ERBB4: variants seen among roughly 807,000 people sequenced by gnomAD.
The protein encoded by ERBB4 is receptor tyrosine-protein kinase erbB-4.
ERBB4 carries 42 observed loss-of-function variants against 158.0 expected under a neutral mutation model. The ratio of observed to expected loss-of-function variants is 0.27; its 90% confidence interval spans 0.21 to 0.34. The LOEUF (loss-of-function observed/expected upper bound fraction) is 0.34, where lower values mean the gene tolerates loss of function less well. Among genes scored for constraint, ERBB4 ranks in the 10% least tolerant of loss-of-function variants. The pLI is 1.00. For missense variants in ERBB4, 1,333 were observed against 1,624.1 expected (o/e 0.82, Z 3.08); for synonymous variants, 583 against 558.7 (o/e 1.04, Z -0.61).
chr2:211,640,948 A>C (rs1422434855), intron 16 of ERBB4, among the ~76,000 whole-genome samples: 1 of 152,180 alleles, frequency 6.6e-6, no homozygotes, highest in Non-Finnish European at 1.5e-5. Flanking sequence ...ACGTGCAGAA[A>C]TCAGCAGACA....
intron 1 of ERBB4, among the ~76,000 whole-genome samples, chr2:212,481,079 A>G (rs926632158): frequency 3.9e-5 from 6 of 152,172 alleles, no homozygotes; most frequent in African/African-American, 1.4e-4. Context: ...CAACACATAT[A>G]TACATATAAA....
chr2:211,627,364 A>C (rs1182593544), intron 17 of ERBB4, among the ~76,000 whole-genome samples: 1 of 152,254 alleles, frequency 6.6e-6, no homozygotes, highest in African/African-American at 2.4e-5. Flanking sequence ...CTTCCAGCTA[A>C]AGTAGGAATC....
chr2:211,834,898 T>C (rs1005928757), intron 3 of ERBB4, among the ~76,000 whole-genome samples: 3 of 152,096 alleles, frequency 2.0e-5, no homozygotes, highest in African/African-American at 7.2e-5. Context: ...GGGGACCAAA[T>C]TTCAAATGGT....
intron 14 of ERBB4, among the ~76,000 whole-genome samples, chr2:211,666,190 C>A (rs1045125456): frequency 6.6e-6 from 1 of 152,020 alleles, no homozygotes; most frequent in African/African-American, 2.4e-5. Context: ...CATATTATGT[C>A]TATTTATAGG....
At chr2:211,717,800 C>T (rs904599322) in intron 7 of ERBB4, among the ~76,000 whole-genome samples, 1 of 152,140 alleles carries the variant, frequency 6.6e-6, no homozygotes, top group East Asian at 1.9e-4. Flanking sequence ...GCTCTCCAGC[C>T]TGGGTGACAG....
At chr2:212,309,001 T>C (rs1315353657) in intron 1 of ERBB4, among the ~76,000 whole-genome samples, 2 of 150,926 alleles carry the variant, frequency 1.3e-5, no homozygotes, top group Middle Eastern at 3.4e-3. Flanking sequence ...ATTTAAAGTG[T>C]ATAAAATTGC....
intron 1 of ERBB4, among the ~76,000 whole-genome samples, chr2:212,152,048 G>C (rs2080889960): frequency 6.6e-6 from 1 of 152,016 alleles, no homozygotes; most frequent in African/African-American, 2.4e-5. Flanking sequence ...TGTAGCATAA[G>C]TTTTACTTCA....
intron 2 of ERBB4, among the ~76,000 whole-genome samples, chr2:212,112,869 T>A (rs1416629083): frequency 6.6e-6 from 1 of 152,178 alleles, no homozygotes. Flanking sequence ...AATTCCAGTA[T>A]AACAAAATTC....
chr2:212,455,388 C>A (rs1688235203), intron 1 of ERBB4, among the ~76,000 whole-genome samples: 1 of 152,176 alleles, frequency 6.6e-6, no homozygotes, highest in Non-Finnish European at 1.5e-5. Context: ...TCAGTAGCAG[C>A]CTCTAGCCCT....
intron 20 of ERBB4, among the ~76,000 whole-genome samples, chr2:211,556,214 GTTCAA>G (rs1396534357): frequency 6.6e-6 from 1 of 152,196 alleles, no homozygotes; most frequent in Non-Finnish European, 1.5e-5. Context: ...ATGGTAAAGT[GTTCAA>G]TTCAACAAGA....
intron 3 of ERBB4, among the ~76,000 whole-genome samples, chr2:211,804,243 A>C (rs1456954133): frequency 6.6e-6 from 1 of 152,224 alleles, no homozygotes; most frequent in Non-Finnish European, 1.5e-5. Context: ...AGGGACTGGA[A>C]GGTTAAATTA....
chr2:211,444,903 A>G (rs1277793795), intron 20 of ERBB4, among the ~76,000 whole-genome samples: 1 of 152,114 alleles, frequency 6.6e-6, no homozygotes, highest in Non-Finnish European at 1.5e-5. Flanking sequence ...GTTGATTACA[A>G]AAAAACTAAC....
At chr2:212,135,457 C>T (rs1471137893) in intron 1 of ERBB4, among the ~76,000 whole-genome samples, 2 of 151,430 alleles carry the variant, frequency 1.3e-5, no homozygotes, top group Non-Finnish European at 2.9e-5. Flanking sequence ...TGTATCATAT[C>T]AAATAACAAC....
intron 1 of ERBB4, among the ~76,000 whole-genome samples, chr2:212,489,020 G>A (rs1174336627): frequency 1.3e-5 from 2 of 150,136 alleles, no homozygotes; most frequent in Non-Finnish European, 3.0e-5. Context: ...AATTGCATTT[G>A]TATGGTAGGC....
intron 1 of ERBB4, among the ~76,000 whole-genome samples, chr2:212,340,480 C>A (rs1436051981): frequency 1.3e-5 from 2 of 152,190 alleles, no homozygotes; most frequent in South Asian, 2.1e-4. Context: ...TGTTTTCCTG[C>A]AACTGCATGG....
chr2:211,734,285 C>T (rs148864570), intron 5 of ERBB4, among the ~76,000 whole-genome samples: 28 of 152,192 alleles, frequency 1.8e-4, no homozygotes, highest in Non-Finnish European at 2.4e-4. Context: ...ATCTCTAAGA[C>T]AGATCACCAC....
At chr2:212,009,142 A>G (rs2076324823) in intron 2 of ERBB4, among the ~76,000 whole-genome samples, 1 of 152,092 alleles carries the variant, frequency 6.6e-6, no homozygotes, top group South Asian at 2.1e-4. Context: ...TAGTATGTTG[A>G]TTTGGTGTCC....
intron 1 of ERBB4, among the ~76,000 whole-genome samples, chr2:212,235,331 C>CTA (rs1559810020): frequency 6.6e-6 from 1 of 152,138 alleles, no homozygotes. Flanking sequence ...TTCCATTCAT[C>CTA]TATATATCTG....
At chr2:212,354,996 C>A (rs1184905395) in intron 1 of ERBB4, among the ~76,000 whole-genome samples, 1 of 151,874 alleles carries the variant, frequency 6.6e-6, no homozygotes, top group East Asian at 1.9e-4. Flanking sequence ...TGTAAGAGGG[C>A]ACATGTGACC....
Sources: gnomAD v4.1 joint callset for allele counts (sites outside exome capture counted in the v4.1 genomes callset) on GRCh38, gnomAD v4.1.1 for gene constraint, MANE v1.5 for transcripts, NCBI Gene and HGNC (gene_info 2026-07-23, HGNC 2026-07-21) for gene names.